Variants in JAKMIP2 observed in about 807,000 individuals in gnomAD.
The protein encoded by JAKMIP2 is janus kinase and microtubule-interacting protein 2.
Under a neutral mutation model 115.0 loss-of-function variants are expected in JAKMIP2, and 25 were observed. The observed-to-expected ratio is 0.22, with a 90% CI of 0.16 to 0.30. The LOEUF (loss-of-function observed/expected upper bound fraction) is 0.30. Among genes scored for constraint, JAKMIP2 ranks in the 10% least tolerant of loss-of-function variants. The pLI, the probability that JAKMIP2 is intolerant of heterozygous loss-of-function variation, is 1.00. For missense variants in JAKMIP2, 642 were observed against 957.6 expected (o/e 0.67, Z 4.35); for synonymous variants, 334 against 343.6 (o/e 0.97, Z 0.31).
intron 5 of JAKMIP2, among the ~76,000 whole-genome samples, chr5:147,647,041 G>C (rs892232385): frequency 6.6e-6 from 1 of 151,954 alleles, no homozygotes; most frequent in South Asian, 2.1e-4. Flanking sequence ...TAATTACAGA[G>C]TATGCCTCCT....
At chr5:147,626,582 T>G (rs1757107532) in intron 16 of JAKMIP2, among the ~76,000 whole-genome samples, 1 of 152,176 alleles carries the variant, frequency 6.6e-6, no homozygotes, top group Non-Finnish European at 1.5e-5. Context: ...GAAATAAAGG[T>G]CACACTAGTA....
chr5:147,654,589 C>T (rs1305664936), intron 3 of JAKMIP2, among the ~76,000 whole-genome samples: 1 of 152,106 alleles, frequency 6.6e-6, no homozygotes, highest in African/African-American at 2.4e-5. Flanking sequence ...GCTGAAGTTG[C>T]TTATCAGCTT....
At chr5:147,664,573 A>G (rs562224522) in intron 2 of JAKMIP2, among the ~76,000 whole-genome samples, 1 of 152,142 alleles carries the variant, frequency 6.6e-6, no homozygotes, top group Non-Finnish European at 1.5e-5. Context: ...GCTAGAGGTC[A>G]TCCTCTCCTG....
At chr5:147,677,376 TAACTC>T (rs1195536100) in intron 1 of JAKMIP2, among the ~76,000 whole-genome samples, 1 of 152,154 alleles carries the variant, frequency 6.6e-6, no homozygotes, top group East Asian at 1.9e-4. Flanking sequence ...AAATTATTGA[TAACTC>T]AAGTTCTACA....
At chr5:147,711,018 A>G (rs1752758201) in intron 1 of JAKMIP2, among the ~76,000 whole-genome samples, 1 of 152,206 alleles carries the variant, frequency 6.6e-6, no homozygotes, top group Admixed American at 6.5e-5. Flanking sequence ...ATTATTTACT[A>G]TTGTTGAACA....
intron 1 of JAKMIP2, among the ~76,000 whole-genome samples, chr5:147,741,156 A>G (rs768678001): frequency 5.9e-5 from 9 of 152,162 alleles, no homozygotes; most frequent in Non-Finnish European, 1.3e-4. Flanking sequence ...AGGTGTTAGG[A>G]TACCACTTGA....
chr5:147,781,101 C>A lies in JAKMIP2; in HGVS notation c.-149+1355G>T, dbSNP rs150509299. ...TAAGCATTTGTAAATTACAATAGAC[C>A]CCCATTTCAGCTACAAGCCACACAT... On this transcript the variant is annotated intron_variant, in intron 1 of 21. Transcript: ENST00000616793. Among the ~76,000 whole-genome samples, 635 of 152,172 alleles carry A rather than the reference C, an allele frequency of 4.2e-3. 4 individuals are homozygous for A. Among genetic ancestry groups the A allele is most frequent in the Admixed American group, 7.4e-3 (113 of 15,278 alleles).
chr5:147,702,245 C>T (rs983072021), intron 1 of JAKMIP2, among the ~76,000 whole-genome samples: 1 of 148,596 alleles, frequency 6.7e-6, no homozygotes, highest in African/African-American at 2.5e-5. Context: ...GAAGAAACAG[C>T]TAAGCTATGA....
intron 1 of JAKMIP2, among the ~76,000 whole-genome samples, chr5:147,727,461 A>G (rs1056065574): frequency 1.3e-4 from 20 of 152,314 alleles, no homozygotes; most frequent in African/African-American, 4.8e-4. Context: ...TCATGGCAGA[A>G]GGCAAAAGGG....
At chr5:147,639,992 C>T (rs1446477535) in intron 9 of JAKMIP2, among the ~76,000 whole-genome samples, 1 of 152,138 alleles carries the variant, frequency 6.6e-6, no homozygotes, top group Non-Finnish European at 1.5e-5. Flanking sequence ...AAGCATTTAG[C>T]ATTTGATACA....
intron 21 of JAKMIP2, among the ~76,000 whole-genome samples, chr5:147,599,360 G>T (rs1227980013): frequency 1.3e-5 from 2 of 152,140 alleles, no homozygotes; most frequent in Non-Finnish European, 2.9e-5. Flanking sequence ...CACACAACTA[G>T]TAAATGGCAG....
intron 1 of JAKMIP2, among the ~76,000 whole-genome samples, chr5:147,770,274 G>A (rs1364923788): frequency 1.3e-5 from 2 of 151,952 alleles, no homozygotes; most frequent in East Asian, 1.9e-4. Context: ...CCATATATCT[G>A]TATATTTGAC....
At chr5:147,648,930 T>C (rs746097412) in intron 4 of JAKMIP2, among the ~76,000 whole-genome samples, 20 of 152,176 alleles carry the variant, frequency 1.3e-4, no homozygotes, top group Non-Finnish European at 2.6e-4. Flanking sequence ...ATTAATATTG[T>C]CAATTCCTTC....
At chr5:147,602,279 T>C (rs1422517721) in intron 20 of JAKMIP2, among the ~76,000 whole-genome samples, 1 of 152,098 alleles carries the variant, frequency 6.6e-6, no homozygotes, top group African/African-American at 2.4e-5. Flanking sequence ...CTATGATAGG[T>C]TTTAGGATTA....
chr5:147,741,537 G>A (rs539560030), intron 1 of JAKMIP2, among the ~76,000 whole-genome samples: 1 of 152,080 alleles, frequency 6.6e-6, no homozygotes, highest in South Asian at 2.1e-4. Flanking sequence ...AAATTCACCA[G>A]AATATTAAGA....
At chr5:147,687,528 AAAG>A (rs1242778426) in intron 1 of JAKMIP2, among the ~76,000 whole-genome samples, 1 of 152,228 alleles carries the variant, frequency 6.6e-6, no homozygotes, top group African/African-American at 2.4e-5. Context: ...TCCTGGCAAT[AAAG>A]AAGAATTGAG....
intron 4 of JAKMIP2, among the ~76,000 whole-genome samples, chr5:147,649,888 A>C (rs2126744893): frequency 6.6e-6 from 1 of 152,336 alleles, no homozygotes; most frequent in Middle Eastern, 3.4e-3. Context: ...AAGTTCAATC[A>C]GACAATAAGT....
Position 147,653,471 on chromosome 5 carries a change from GC to G in JAKMIP2, c.628-2925del, listed in dbSNP as rs1173636332. On this transcript the variant is annotated intron_variant, in intron 3 of 21. Coordinates refer to ENST00000616793, the MANE Select transcript of JAKMIP2 (RefSeq NM_001270941.2). ...TTTCTCAAATAATCAGAGATGATGA[GC>G]TTTTTTTTTTCATGTTTGTTGGCCG... 7.9e-3 allele frequency among the ~76,000 whole-genome samples: 1,205 copies of G among 151,992 alleles called. 17 individuals are homozygous for G. The highest frequency in any genetic ancestry group is 0.027 in the African/African-American group (1,114 of 41,404).
At position 147,644,209 on chromosome 5, in the gene JAKMIP2, AAAG is replaced by A. The variant is rs781735248; in HGVS notation, c.1084-14_1084-12del. ...TGTTATTTTTTCTCTCTGGATTGGA[AAAG>A]AAGAAAGTACAGGTGGAGACTTTAA... is the stretch of plus-strand genomic sequence containing the variant. On this transcript the variant is annotated splice_polypyrimidine_tract_variant and intron_variant, in intron 6 of 21. Transcript: ENST00000616793. The A allele has an allele frequency of 1.9e-5, 29 of 1,560,260 alleles. No individual in the cohort carries two copies. The Admixed American group carries it at 4.9e-4, about 26-fold the overall frequency.
Sources: allele counts gnomAD v4.1 joint callset (sites outside exome capture counted in the v4.1 genomes callset), GRCh38; gene constraint gnomAD v4.1.1; transcripts MANE v1.5; gene names NCBI Gene and HGNC (gene_info 2026-07-23, HGNC 2026-07-21).